The following CNTN5 variants were observed in gnomAD, a reference collection of about 807,000 sequenced individuals.
CNTN5 encodes contactin-5.
Under a neutral mutation model 129.1 loss-of-function variants are expected in CNTN5, and 77 were observed. The observed-to-expected ratio is 0.60, with a 90% CI of 0.50 to 0.72. The LOEUF is 0.72. CNTN5 is among the 30% of genes least tolerant of loss of function. The probability of loss-of-function intolerance (pLI) is 0.00; values close to 1 mark genes in which losing one functional copy is unlikely to be tolerated. For missense variants in CNTN5, 1,478 were observed against 1,328.8 expected (o/e 1.11, Z -1.75); for synonymous variants, 509 against 465.6 (o/e 1.09, Z -1.20).
intron 7 of CNTN5, among the ~76,000 whole-genome samples, chr11:99,922,684 G>T (rs998296629): frequency 2.6e-5 from 4 of 152,166 alleles, no homozygotes; most frequent in Non-Finnish European, 4.4e-5. Flanking sequence ...ACAATACAAT[G>T]TAAAGTGTCA....
chr11:99,896,087 A>G (rs1434266424), intron 6 of CNTN5, among the ~76,000 whole-genome samples: 1 of 152,040 alleles, frequency 6.6e-6, no homozygotes, highest in African/African-American at 2.4e-5. Context: ...GCCCTTCACT[A>G]TCACTGCTGC....
intron 1 of CNTN5, among the ~76,000 whole-genome samples, chr11:99,250,162 A>T (rs1862026521): frequency 6.6e-6 from 1 of 151,932 alleles, no homozygotes; most frequent in Admixed American, 6.6e-5. Context: ...TCTTGGTATA[A>T]TATAGTAATT....
intron 1 of CNTN5, among the ~76,000 whole-genome samples, chr11:99,174,837 T>A (rs1471475834): frequency 6.6e-6 from 1 of 152,116 alleles, no homozygotes; most frequent in Non-Finnish European, 1.5e-5. Context: ...ATTTTCCAAC[T>A]ATTATACTTG....
At chr11:99,196,974 C>G (rs924447548) in intron 1 of CNTN5, among the ~76,000 whole-genome samples, 5 of 151,638 alleles carry the variant, frequency 3.3e-5, no homozygotes, top group Non-Finnish European at 7.4e-5. Context: ...ATACACAAAC[C>G]AGATGCTAAA....
At chr11:99,900,439 G>A (rs914337964) in intron 6 of CNTN5, among the ~76,000 whole-genome samples, 2 of 151,622 alleles carry the variant, frequency 1.3e-5, no homozygotes, top group Admixed American at 1.3e-4. Flanking sequence ...ATAGTATTTT[G>A]TTGAAGATTT....
intron 2 of CNTN5, among the ~76,000 whole-genome samples, chr11:99,514,069 G>A (rs997208922): frequency 6.6e-6 from 1 of 152,074 alleles, no homozygotes; most frequent in African/African-American, 2.4e-5. Context: ...TTAACAAGGG[G>A]TTAAAAGATG....
intron 3 of CNTN5, among the ~76,000 whole-genome samples, chr11:99,560,200 T>C (rs182309276): frequency 6.6e-6 from 1 of 151,782 alleles, no homozygotes; most frequent in African/African-American, 2.4e-5. Flanking sequence ...TTTGCATATT[T>C]AAAAAATATA....
chr11:99,553,662 C>G (rs1289651620), intron 2 of CNTN5, among the ~76,000 whole-genome samples: 1 of 151,700 alleles, frequency 6.6e-6, no homozygotes, highest in African/African-American at 2.4e-5. Context: ...TGATGGATAT[C>G]TTAATTAGCT....
intron 3 of CNTN5, among the ~76,000 whole-genome samples, chr11:99,784,615 T>C (rs1945444181): frequency 6.6e-6 from 1 of 152,054 alleles, no homozygotes; most frequent in South Asian, 2.1e-4. Context: ...GGTCAAATGG[T>C]ATTTCTGGTT....
At chr11:99,615,599 A>T (rs955595392) in intron 3 of CNTN5, among the ~76,000 whole-genome samples, 45 of 152,130 alleles carry the variant, frequency 3.0e-4, no homozygotes, top group African/African-American at 1.1e-3. Context: ...AGGAATTCAC[A>T]GGAAGTTGCC....
In CNTN5 at chr11:99,785,421, A is replaced by T. The variant is rs118172129; in HGVS notation, c.56-34123A>T. 8.3e-3 allele frequency among the ~76,000 whole-genome samples: 1,269 copies of T among 152,176 alleles called. 8 individuals carry two copies. The highest frequency in any genetic ancestry group is 0.013 in the Non-Finnish European group (905 of 68,012). The stretch of plus-strand genomic sequence containing the variant: ...TTAGTTTAATTAGATCCCATTTGAC[A>T]ATTTTTCCTTTTGTTACCATTGCTT... On this transcript the variant is annotated intron_variant, in intron 3 of 24. Coordinates refer to ENST00000524871, the MANE Select transcript of CNTN5 (RefSeq NM_014361.4).
intron 2 of CNTN5, among the ~76,000 whole-genome samples, chr11:99,528,772 C>T (rs1249824035): frequency 5.9e-5 from 9 of 152,056 alleles, no homozygotes; most frequent in African/African-American, 1.9e-4. Context: ...AGCCAGGTGC[C>T]TATGGCTCAG....
At chr11:99,211,443 A>G (rs941151569) in intron 1 of CNTN5, among the ~76,000 whole-genome samples, 1 of 152,078 alleles carries the variant, frequency 6.6e-6, no homozygotes, top group Non-Finnish European at 1.5e-5. Flanking sequence ...CTCTGATGCC[A>G]TGTGAGTCAT....
chr11:99,562,314 A>G (rs1948868597), intron 3 of CNTN5, among the ~76,000 whole-genome samples: 1 of 151,996 alleles, frequency 6.6e-6, no homozygotes, highest in South Asian at 2.1e-4. Flanking sequence ...TTTCTTTGAG[A>G]TCTGCTCTAG....
chr11:99,733,958 A>T (rs911980188), intron 3 of CNTN5, among the ~76,000 whole-genome samples: 1 of 152,124 alleles, frequency 6.6e-6, no homozygotes, highest in Non-Finnish European at 1.5e-5. Context: ...GAGCTCTGGC[A>T]CCTGCAGCTG....
chr11:99,396,551 G>A (rs1941534193), intron 2 of CNTN5, among the ~76,000 whole-genome samples: 1 of 151,492 alleles, frequency 6.6e-6, no homozygotes, highest in Non-Finnish European at 1.5e-5. Flanking sequence ...TAAAACACTT[G>A]AAGTTATGAG....
At chr11:99,472,816 A>G (rs1945226995) in intron 2 of CNTN5, among the ~76,000 whole-genome samples, 1 of 152,106 alleles carries the variant, frequency 6.6e-6, no homozygotes. Context: ...ACATGTGCAC[A>G]CATTACAAAA....
chr11:99,329,891 A>G (rs569913067), intron 2 of CNTN5, among the ~76,000 whole-genome samples: 1 of 146,448 alleles, frequency 6.8e-6, no homozygotes, highest in South Asian at 2.2e-4. Context: ...GATCTTATCT[A>G]TATCTGTACA....
chr11:99,740,291 A>G (rs1026190931), intron 3 of CNTN5, among the ~76,000 whole-genome samples: 11 of 152,096 alleles, frequency 7.2e-5, no homozygotes, highest in Admixed American at 5.9e-4. Flanking sequence ...AATTTGTACA[A>G]TCTAGGGTTT....
Sources: gnomAD v4.1 joint callset for allele counts (sites outside exome capture counted in the v4.1 genomes callset) on GRCh38, gnomAD v4.1.1 for gene constraint, MANE v1.5 for transcripts, NCBI Gene and HGNC (gene_info 2026-07-23, HGNC 2026-07-21) for gene names.